GRIA2: variants seen among roughly 807,000 people sequenced by gnomAD.
GRIA2 encodes glutamate receptor 2.
Under a neutral mutation model 97.3 loss-of-function variants are expected in GRIA2, and 14 were observed. The ratio of observed to expected loss-of-function variants is 0.14; its 90% CI spans 0.10 to 0.23. The LOEUF (loss-of-function observed/expected upper bound fraction) is 0.23, where lower values mean the gene tolerates loss of function less well. Among genes scored for constraint, GRIA2 ranks in the 10% least tolerant of loss-of-function variants. GRIA2 has a pLI of 1.00. For synonymous variants in GRIA2, 412 were observed against 387.8 expected, an observed-to-expected ratio of 1.06 and a Z score of -0.73; for missense variants, 558 against 1,069.8, an observed-to-expected ratio of 0.52 and a Z score of 6.67.
At chr4:157,343,446 C>T (rs1263723920) in intron 12 of GRIA2, among the ~76,000 whole-genome samples, 1 of 151,998 alleles carries the variant, frequency 6.6e-6, no homozygotes, top group Non-Finnish European at 1.5e-5. Flanking sequence ...TATTTTTCCT[C>T]GTGCAGCAAA....
chr4:157,343,132 T>C (rs1735618528), intron 12 of GRIA2, among the ~76,000 whole-genome samples: 3 of 152,060 alleles, frequency 2.0e-5, no homozygotes, highest in Admixed American at 2.0e-4. Context: ...TGTTCCAATA[T>C]GCAATCGTGG....
chr4:157,269,460 T>G (rs1197982915), intron 2 of GRIA2, among the ~76,000 whole-genome samples: 1 of 152,064 alleles, frequency 6.6e-6, no homozygotes, highest in East Asian at 1.9e-4. Flanking sequence ...ATTTTATAAA[T>G]TAGTAAACGT....
chr4:157,358,465 C>T (rs1736489929), intron 12 of GRIA2, among the ~76,000 whole-genome samples: 1 of 152,034 alleles, frequency 6.6e-6, no homozygotes, highest in Non-Finnish European at 1.5e-5. Context: ...TCTGAAGCGG[C>T]ATTGTTTGGT....
At chr4:157,299,249 GA>G (rs1733504337) in intron 2 of GRIA2, among the ~76,000 whole-genome samples, 1 of 151,982 alleles carries the variant, frequency 6.6e-6, no homozygotes, top group Non-Finnish European at 1.5e-5. Flanking sequence ...AGATGATAGG[GA>G]AATTTCAGTA....
intron 2 of GRIA2, among the ~76,000 whole-genome samples, chr4:157,226,243 G>T (rs931987147): frequency 2.0e-5 from 3 of 151,992 alleles, no homozygotes; most frequent in Non-Finnish European, 4.4e-5. Flanking sequence ...AGCAGATGGA[G>T]ATGTTGGAGA....
intron 2 of GRIA2, among the ~76,000 whole-genome samples, chr4:157,289,846 G>A (rs1371631842): frequency 6.6e-6 from 1 of 151,564 alleles, no homozygotes; most frequent in Non-Finnish European, 1.5e-5. Context: ...ATGTCTTTTT[G>A]ACTTAGAAAA....
chr4:157,231,149 C>G (rs1159664136), intron 2 of GRIA2, among the ~76,000 whole-genome samples: 1 of 152,108 alleles, frequency 6.6e-6, no homozygotes, highest in Non-Finnish European at 1.5e-5. Flanking sequence ...AGCAGTTTTC[C>G]TGCGTCAGCC....
At chr4:157,253,176 G>A (rs964530869) in intron 2 of GRIA2, among the ~76,000 whole-genome samples, 7 of 151,396 alleles carry the variant, frequency 4.6e-5, no homozygotes, top group Admixed American at 4.6e-4. Flanking sequence ...AAGTGCAGTG[G>A]CATTATCTTG....
chr4:157,225,363 A>AT (rs1449790980), intron 2 of GRIA2, among the ~76,000 whole-genome samples: 7 of 151,180 alleles, frequency 4.6e-5, no homozygotes, highest in Admixed American at 4.0e-4. Flanking sequence ...CCCCTCACTC[A>AT]TTTTTTCCTT....
intron 12 of GRIA2, among the ~76,000 whole-genome samples, chr4:157,355,194 A>C (rs1329853051): frequency 6.6e-6 from 1 of 152,166 alleles, no homozygotes; most frequent in East Asian, 1.9e-4. Flanking sequence ...ATACTTGCTT[A>C]AAGAATGATT....
Position 157,336,537 on chromosome 4 carries a change from A to G in GRIA2, c.1634A>G (p.Glu545Gly). The G allele has an allele frequency of 6.2e-7, 1 of 1,613,376 alleles. No individual in the cohort carries two copies. Among genetic ancestry groups the G allele is most frequent in the South Asian group, 1.1e-5 (1 of 91,060 alleles). The change falls in exon 11 of 16, where the codon GAG (glutamate) becomes GGG (glycine). Residue 545 changes from glutamate (E) to glycine (G), a missense_variant. Around this residue, in one of 8 missense-constraint regions of GRIA2, gnomAD observed 125 missense variants for 310.2 expected, o/e 0.40. Coordinates refer to ENST00000264426, the MANE Select transcript of GRIA2 (RefSeq NM_001083619.3). ...TCCTTTCTTGATCCTTTAGCCTATG[A>G]GATCTGGATGTGCATTGTTTTTGCC... ...VFSFLDPLAY[E>G]IWMCIVFAYI...
At chr4:157,315,660 A>G (rs551651111) in intron 4 of GRIA2, among the ~76,000 whole-genome samples, 1 of 152,180 alleles carries the variant, frequency 6.6e-6, no homozygotes, top group East Asian at 1.9e-4. Context: ...CTACTGCCTC[A>G]GCCTCCTGAG....
chr4:157,319,146 A>G (rs960345496), intron 5 of GRIA2, among the ~76,000 whole-genome samples: 2 of 152,184 alleles, frequency 1.3e-5, no homozygotes, highest in African/African-American at 4.8e-5. Context: ...AAGAGAAACA[A>G]GAGTTAAACT....
chr4:157,248,564 T>C lies in GRIA2; in HGVS notation c.229+26757T>C, dbSNP rs372768816. On this transcript the variant is annotated intron_variant, in intron 2 of 15. Coordinates refer to ENST00000264426, the MANE Select transcript of GRIA2 (RefSeq NM_001083619.3). Reference sequence around the variant, plus strand: ...TTATGTGTGTGTGTGTATATATATATACGTGTGTATATATATACGTGTATA... The same window carrying C: ...TTATGTGTGTGTGTGTATATATATACACGTGTGTATATATATACGTGTATA... Among the ~76,000 whole-genome samples, 76 of 123,102 alleles carry C rather than the reference T, an allele frequency of 6.2e-4. 1 individual carries two copies. The highest frequency in any genetic ancestry group is 2.2e-3 in the African/African-American group (71 of 32,926). 80.8% of individuals were successfully genotyped at this position (123,102 alleles called of 152,430 possible). A position where few individuals can be genotyped will look rare whatever the true frequency, so the allele number is the denominator to read the frequency against.
At chr4:157,250,878 A>G (rs1579304669) in intron 2 of GRIA2, among the ~76,000 whole-genome samples, 1 of 152,190 alleles carries the variant, frequency 6.6e-6, no homozygotes, top group African/African-American at 2.4e-5. Flanking sequence ...TGGTATTAGC[A>G]CAGTTACTAG....
chr4:157,282,444 A>G (rs896687660), intron 2 of GRIA2, among the ~76,000 whole-genome samples: 47 of 152,154 alleles, frequency 3.1e-4, no homozygotes, highest in African/African-American at 1.1e-3. Context: ...GAGGAATTAT[A>G]AAGATTGGGC....
At chr4:157,312,049 G>A (rs888623520) in intron 3 of GRIA2, among the ~76,000 whole-genome samples, 1 of 151,876 alleles carries the variant, frequency 6.6e-6, no homozygotes, top group Non-Finnish European at 1.5e-5. Flanking sequence ...CCACCATCTG[G>A]TTAATAGGTG....
At chr4:157,363,340 A>G (rs1736720449) in intron 15 of GRIA2, 95 bp from the exon 16 acceptor site, 1 of 805,614 alleles carries the variant, frequency 1.2e-6, no homozygotes, top group Non-Finnish European at 1.7e-6. Context: ...GATAGAAGTA[A>G]ACTTTTCAAA....
intron 12 of GRIA2, among the ~76,000 whole-genome samples, chr4:157,354,669 A>T (rs1165196228): frequency 6.6e-6 from 1 of 152,178 alleles, no homozygotes; most frequent in Non-Finnish European, 1.5e-5. Context: ...GTCTCCCAGG[A>T]TAGAAATCAA....
Sources: allele counts gnomAD v4.1 joint callset (sites outside exome capture counted in the v4.1 genomes callset), GRCh38; gene constraint gnomAD v4.1.1; regional missense constraint gnomAD v4.1.1; transcripts MANE v1.5; gene names NCBI Gene and HGNC (gene_info 2026-07-23, HGNC 2026-07-21).